Variants in CACNA2D3 observed in about 807,000 individuals in gnomAD.
The protein encoded by CACNA2D3 is voltage-dependent calcium channel subunit alpha-2/delta-3.
A neutral mutation model predicts 160.6 loss-of-function variants in CACNA2D3; 60 were observed. The observed-to-expected ratio is 0.37, with a 90% CI of 0.30 to 0.46. The LOEUF (loss-of-function observed/expected upper bound fraction) is 0.46. Among genes scored for constraint, CACNA2D3 ranks in the 20% least tolerant of loss-of-function variants. The probability of loss-of-function intolerance (pLI) is 1.00; values close to 1 mark genes in which losing one functional copy is unlikely to be tolerated. For missense variants in CACNA2D3, 1,205 were observed against 1,365.0 expected, an observed-to-expected ratio of 0.88 and a Z score of 1.85; for synonymous variants, 558 against 492.9, an observed-to-expected ratio of 1.13 and a Z score of -1.75.
In CACNA2D3 at chr3:54,447,371, A is replaced by C. The variant is rs577354731; in HGVS notation, c.382-56121A>C. ...GTCTGAGGCAAACATCAGGAGTTTC[A>C]AGGCTATTTCAGGACTGGTTCAAGC... On this transcript the variant is annotated intron_variant, in intron 4 of 37. Transcript: ENST00000474759. Among the ~76,000 whole-genome samples, 4 of 152,338 alleles carry C rather than the reference A, an allele frequency of 2.6e-5. No homozygotes were observed. In the East Asian group the frequency reaches 7.7e-4, roughly 29 times the overall value.
chr3:54,255,401 A>G (rs546364731), intron 2 of CACNA2D3, among the ~76,000 whole-genome samples: 10 of 152,374 alleles, frequency 6.6e-5, no homozygotes, highest in South Asian at 2.1e-4. Context: ...GAAATGCGGC[A>G]TAAAGACTTG....
intron 3 of CACNA2D3, among the ~76,000 whole-genome samples, chr3:54,384,023 A>G (rs952452721): frequency 5.9e-5 from 9 of 152,228 alleles, no homozygotes; most frequent in Non-Finnish European, 1.2e-4. Context: ...AATACATTTC[A>G]TGGATACTGT....
chr3:54,769,914 G>A (rs959523139), intron 13 of CACNA2D3, among the ~76,000 whole-genome samples: 2 of 152,100 alleles, frequency 1.3e-5, no homozygotes, highest in African/African-American at 4.8e-5. Flanking sequence ...TAATGTCTGG[G>A]GGTGGGTGCC....
At chr3:54,275,721 A>G (rs1414603237) in intron 2 of CACNA2D3, among the ~76,000 whole-genome samples, 1 of 152,110 alleles carries the variant, frequency 6.6e-6, no homozygotes, top group African/African-American at 2.4e-5. Flanking sequence ...GGGTTCAAGC[A>G]GTTCTCGTGC....
intron 4 of CACNA2D3, among the ~76,000 whole-genome samples, chr3:54,415,026 G>A (rs1237804027): frequency 1.4e-4 from 21 of 151,968 alleles, no homozygotes; most frequent in Admixed American, 1.4e-3. Context: ...CAAAAACTTT[G>A]TAAAGGGGGC....
intron 13 of CACNA2D3, among the ~76,000 whole-genome samples, chr3:54,779,879 GTCTATC>G (rs1461161533): frequency 6.6e-6 from 1 of 151,960 alleles, no homozygotes; most frequent in East Asian, 1.9e-4. Flanking sequence ...TTCTTGTTTT[GTCTATC>G]TCTTGAACAG....
At chr3:54,861,976 A>C (rs1241349648) in intron 17 of CACNA2D3, among the ~76,000 whole-genome samples, 2 of 152,212 alleles carry the variant, frequency 1.3e-5, no homozygotes, top group Non-Finnish European at 2.9e-5. Context: ...TTAAAAAGAC[A>C]TATCACTGTA....
At chr3:54,671,799 G>A (rs575075364) in intron 11 of CACNA2D3, among the ~76,000 whole-genome samples, 7 of 152,302 alleles carry the variant, frequency 4.6e-5, no homozygotes, top group African/African-American at 1.7e-4. Context: ...TTGGGAGGTT[G>A]CCAAGACCTA....
At chr3:54,620,833 T>C (rs750363021) in intron 9 of CACNA2D3, among the ~76,000 whole-genome samples, 2 of 152,162 alleles carry the variant, frequency 1.3e-5, no homozygotes, top group Non-Finnish European at 2.9e-5. Flanking sequence ...GGCCTACATG[T>C]AAAATAAGAA....
intron 2 of CACNA2D3, among the ~76,000 whole-genome samples, chr3:54,261,787 A>G (rs901147713): frequency 1.3e-5 from 2 of 152,186 alleles, no homozygotes; most frequent in African/African-American, 2.4e-5. Flanking sequence ...TAGAGGGGAA[A>G]GTTAGGATTG....
At chr3:54,362,245 T>C (rs1175797931) in intron 3 of CACNA2D3, among the ~76,000 whole-genome samples, 2 of 152,174 alleles carry the variant, frequency 1.3e-5, no homozygotes, top group Non-Finnish European at 2.9e-5. Flanking sequence ...TGTTTGAGGC[T>C]CAGGGTCTTC....
At chr3:54,255,971 G>A (rs1048105977) in intron 2 of CACNA2D3, among the ~76,000 whole-genome samples, 1 of 152,044 alleles carries the variant, frequency 6.6e-6, no homozygotes, top group Non-Finnish European at 1.5e-5. Context: ...GTTGGGGTGG[G>A]CAATGAGACA....
intron 4 of CACNA2D3, among the ~76,000 whole-genome samples, chr3:54,477,532 C>T (rs1700851146): frequency 6.6e-6 from 1 of 152,188 alleles, no homozygotes; most frequent in Non-Finnish European, 1.5e-5. Context: ...GCATCTTTGA[C>T]TTGCCATCTC....
chr3:55,041,080 C>A (rs989242270), intron 35 of CACNA2D3, among the ~76,000 whole-genome samples: 1 of 152,142 alleles, frequency 6.6e-6, no homozygotes, highest in African/African-American at 2.4e-5. Context: ...TGCCACTGAT[C>A]TTTCCTCATA....
chr3:54,350,968 G>GTTTTGTTTTTT (rs1698543203), intron 3 of CACNA2D3, among the ~76,000 whole-genome samples: 1 of 56,106 alleles, frequency 1.8e-5, no homozygotes, highest in African/African-American at 6.4e-5. Context: ...TCTTGAGTCT[G>GTTTTGTTTTTT]TTTTTTTTTT....
intron 27 of CACNA2D3, among the ~76,000 whole-genome samples, chr3:54,960,042 C>T (rs892521075): frequency 3.3e-5 from 5 of 149,754 alleles, no homozygotes; most frequent in African/African-American, 1.0e-4. Flanking sequence ...CTCTACTTTA[C>T]CAAAGGTGAC....
rs1333147637 is a variant in CACNA2D3, at chr3:55,067,419, C to CCTAT, written c.2988-6023_2988-6020dup. 2.7e-4 allele frequency among the ~76,000 whole-genome samples: 41 copies of CCTAT among 152,266 alleles called. 1 individual carries two copies. The highest frequency in any genetic ancestry group is 2.0e-3 in the Admixed American group (31 of 15,294). ...CTCTAGGTACTTAGTTTTTTGTTTCCCTATCTGTAAAATGGGCATAATTTT... is the reference window on the plus strand; with the variant it reads ...CTCTAGGTACTTAGTTTTTTGTTTCCCTATCTATCTGTAAAATGGGCATAATTTT... On this transcript the variant is annotated intron_variant, in intron 35 of 37. Transcript: ENST00000474759.
At chr3:54,820,075 G>A (rs1703553068) in intron 14 of CACNA2D3, among the ~76,000 whole-genome samples, 2 of 152,048 alleles carry the variant, frequency 1.3e-5, no homozygotes, top group Non-Finnish European at 2.9e-5. Context: ...GTTGTTCCAG[G>A]GGTGAAAGAG....
At chr3:54,253,866 C>G (rs566586131) in intron 2 of CACNA2D3, among the ~76,000 whole-genome samples, 4 of 152,196 alleles carry the variant, frequency 2.6e-5, no homozygotes, top group Admixed American at 2.6e-4. Flanking sequence ...CACCCACGTT[C>G]AAGCAATTCT....
Sources: gnomAD v4.1 joint callset for allele counts (sites outside exome capture counted in the v4.1 genomes callset) on GRCh38, gnomAD v4.1.1 for gene constraint, MANE v1.5 for transcripts, NCBI Gene and HGNC (gene_info 2026-07-23, HGNC 2026-07-21) for gene names.